Variants in PIWIL3 observed in about 807,000 individuals in gnomAD.
PIWIL3 encodes the protein piwi-like protein 3.
PIWIL3 carries 101 observed loss-of-function variants against 109.7 expected under a neutral mutation model. That is an observed-to-expected ratio of 0.92 (90% CI 0.78 to 1.09). The LOEUF is 1.09. Among genes scored for constraint, PIWIL3 ranks in the 50% least tolerant of loss-of-function variants. PIWIL3 has a pLI of 0.00. For synonymous variants in PIWIL3, 373 were observed against 376.4 expected (o/e 0.99, Z 0.10); for missense variants, 1,031 against 1,072.6 (o/e 0.96, Z 0.54).
chr22:24,723,079 A>G, intron 19 of PIWIL3, 51 bp downstream of exon 19: 1 of 1,573,164 alleles, frequency 6.4e-7, no homozygotes, highest in South Asian at 1.1e-5. Context: ...GCTGAACTGA[A>G]GGAAATTGAG....
In PIWIL3 at chr22:24,764,625, CGTGTGTGTGTGTGTGTGTGT is replaced by C. The variant is rs140531011; in HGVS notation, c.-22-2124_-22-2105del. On this transcript the variant is annotated intron_variant, in intron 1 of 20. Transcript: ENST00000616349. ...TTTCTGTCATTCTTTTTGACCTTGC[CGTGTGTGTGTGTGTGTGTGT>C]GTGTGTGTGTGTGTGTGTGTGTGTT... Among the ~76,000 whole-genome samples the C allele has an allele frequency of 6.1e-3, 828 of 134,692 alleles. 5 individuals carry two copies. Among genetic ancestry groups the C allele is most frequent in the Admixed American group, 9.3e-3 (122 of 13,052 alleles). 88.4% of individuals were successfully genotyped at this position (134,692 alleles called of 152,430 possible). A position where few individuals can be genotyped will look rare whatever the true frequency, so the allele number is the denominator to read the frequency against.
chr22:24,765,382 G>T (rs951283797), intron 1 of PIWIL3, among the ~76,000 whole-genome samples: 5 of 152,190 alleles, frequency 3.3e-5, no homozygotes, highest in Non-Finnish European at 7.3e-5. Context: ...TTGTCATGGG[G>T]ATCAATCTTC....
At chr22:24,766,449 G>A (rs1925799161) in intron 1 of PIWIL3, among the ~76,000 whole-genome samples, 1 of 152,028 alleles carries the variant, frequency 6.6e-6, no homozygotes, top group Admixed American at 6.6e-5. Flanking sequence ...CTCCCGAGTA[G>A]CTGGAAGTAC....
chr22:24,725,220 TGTGGTGGAG>T (rs370923702), intron 17 of PIWIL3, among the ~76,000 whole-genome samples, 183 bp from the exon 18 acceptor site: 11 of 152,316 alleles, frequency 7.2e-5, no homozygotes, highest in South Asian at 4.2e-4. Flanking sequence ...CCAGAGAATC[TGTGGTGGAG>T]GTGGTGGAGG....
chr22:24,724,707 G>A (rs1288135994), intron 18 of PIWIL3, among the ~76,000 whole-genome samples, 180 bp downstream of exon 18: 1 of 151,970 alleles, frequency 6.6e-6, no homozygotes, highest in East Asian at 1.9e-4. Context: ...AAAGTGCTGG[G>A]ATTACAAGCA....
chr22:24,740,262 C>G (rs1027780136), intron 12 of PIWIL3, among the ~76,000 whole-genome samples: 2 of 135,436 alleles, frequency 1.5e-5, no homozygotes. Flanking sequence ...AGAAATGAAA[C>G]GGGAGGCTGG....
chr22:24,747,989 T>C (rs930041221), intron 12 of PIWIL3, among the ~76,000 whole-genome samples: 2 of 152,220 alleles, frequency 1.3e-5, no homozygotes, highest in Non-Finnish European at 2.9e-5. Context: ...CTTCCATGTT[T>C]ATTGCAGCAC....
Position 24,750,482 on chromosome 22 carries a change from A to ATTTTTTTTTTTTTTTTTTTTTTTT in PIWIL3, c.1090-664_1090-663insAAAAAAAAAAAAAAAAAAAAAAAA, listed in dbSNP as rs1241174453. Among the ~76,000 whole-genome samples the ATTTTTTTTTTTTTTTTTTTTTTTT allele has an allele frequency of 3.5e-5, 4 of 114,296 alleles. 1 individual carries two copies. Among genetic ancestry groups the ATTTTTTTTTTTTTTTTTTTTTTTT allele is most frequent in the African/African-American group, 1.3e-4 (4 of 29,914 alleles). The allele number at this position is 114,296 out of a possible 152,430, so 75.0% of individuals were successfully genotyped here. ...CTTATCTGAAGTCTTACCACATTTG[A>ATTTTTTTTTTTTTTTTTTTTTTTT]TTTTTTTTCTTTTTTTTTTTTTTGA... On this transcript the variant is annotated intron_variant, in intron 9 of 20. Coordinates refer to ENST00000616349, the MANE Select transcript of PIWIL3 (RefSeq NM_001255975.1).
chr22:24,751,531 C>A, intron 8 of PIWIL3, 33 bp from the exon 9 acceptor site: 1 of 1,598,138 alleles, frequency 6.3e-7, no homozygotes, highest in Admixed American at 1.8e-5. Context: ...TATTATTTGA[C>A]TTATTCATCA....
chr22:24,747,524 G>A (rs189312485), intron 12 of PIWIL3, among the ~76,000 whole-genome samples: 7 of 152,218 alleles, frequency 4.6e-5, no homozygotes, highest in African/African-American at 1.7e-4. Flanking sequence ...CTCACAGAAT[G>A]GGAGAAAATA....
chr22:24,749,046 T>C lies in PIWIL3; in HGVS notation c.1335-25A>G, dbSNP rs760712983. 3.9e-6 allele frequency: 6 copies of C among 1,549,046 alleles called. No homozygotes were observed. The Admixed American group carries it at 1.0e-4, about 27-fold the overall frequency. ...ACTGAAAATTAAAATATTGCCAACA[T>C]GATCAAACCAAATAAGTAAAAGCAG... is the stretch of plus-strand genomic sequence containing the variant. On this transcript the variant is annotated intron_variant, in intron 11 of 20. Coordinates refer to ENST00000616349, the MANE Select transcript of PIWIL3 (RefSeq NM_001255975.1).
chr22:24,759,959 G>T lies in PIWIL3; in HGVS notation c.133C>A (p.Pro45Thr). Residue 45 changes from proline to threonine, a missense_variant, in exon 3 of 21, where the codon CCC (proline) becomes ACC (threonine). Transcript: ENST00000616349. Reference protein sequence around the residue: ...TQEPPQLQSTPRPLQEEVPVV... With the variant: ...TQEPPQLQSTTRPLQEEVPVV... Reference sequence around the variant, plus strand: ...GGGACTTCCTCCTGCAGCGGCCGGGGTGTCGACTGCAACTGAGGGGGCTCC... The same window carrying T: ...GGGACTTCCTCCTGCAGCGGCCGGGTTGTCGACTGCAACTGAGGGGGCTCC... 1.2e-6 allele frequency: 2 copies of T among 1,614,134 alleles called. No individual in the cohort carries two copies. The highest frequency in any genetic ancestry group is 1.3e-5 in the African/African-American group (1 of 75,040).
chr22:24,761,894 C>T lies in PIWIL3; in HGVS notation c.102+504G>A, dbSNP rs551631726. 4.8e-5 allele frequency: 44 copies of T among 915,530 alleles called. No individual in the cohort carries two copies. In the South Asian group the frequency reaches 1.9e-3, roughly 39 times the overall value. The allele number at this position is 915,530 out of a possible 1,614,324, so 56.7% of individuals were successfully genotyped here. On this transcript the variant is annotated intron_variant, in intron 2 of 20. Coordinates refer to ENST00000616349, the MANE Select transcript of PIWIL3 (RefSeq NM_001255975.1). Reference sequence around the variant, plus strand: ...ATAAGTGGACCTGGAAGGCATCGTGCTACTTCCATGCAGTATATGGTCCCC... The same window carrying T: ...ATAAGTGGACCTGGAAGGCATCGTGTTACTTCCATGCAGTATATGGTCCCC...
At chr22:24,724,313 C>A (rs1003261468) in intron 18 of PIWIL3, among the ~76,000 whole-genome samples, 2 of 151,778 alleles carry the variant, frequency 1.3e-5, no homozygotes, top group Non-Finnish European at 2.9e-5. Flanking sequence ...TTTTTTGAGA[C>A]AAGGTCTCAC....
chr22:24,748,163 G>A (rs1924482457), intron 12 of PIWIL3, among the ~76,000 whole-genome samples: 1 of 152,186 alleles, frequency 6.6e-6, no homozygotes, highest in Non-Finnish European at 1.5e-5. Context: ...TGTGTTAAAT[G>A]AAATTAGCCA....
chr22:24,721,579 G>A (rs920169522), intron 19 of PIWIL3, among the ~76,000 whole-genome samples: 1 of 151,954 alleles, frequency 6.6e-6, no homozygotes, highest in African/African-American at 2.4e-5. Flanking sequence ...GCTCCCCACT[G>A]CATTATGGGA....
chr22:24,731,763 G>T (rs1057117346), intron 14 of PIWIL3, among the ~76,000 whole-genome samples: 40 of 151,896 alleles, frequency 2.6e-4, no homozygotes, highest in African/African-American at 9.4e-4. Context: ...ATTTTGAGTT[G>T]GTCTGGAGAT....
chr22:24,724,544 C>T (rs532477870), intron 18 of PIWIL3, among the ~76,000 whole-genome samples: 5 of 151,928 alleles, frequency 3.3e-5, no homozygotes, highest in Non-Finnish European at 7.4e-5. Context: ...AAGTGATTCT[C>T]CTGCCTCAGC....
chr22:24,762,274 T>C (rs1350480796), intron 2 of PIWIL3, 124 bp downstream of exon 2: 4 of 1,408,004 alleles, frequency 2.8e-6, no homozygotes, highest in Non-Finnish European at 3.7e-6. Context: ...ACTTTTCTTA[T>C]GAACTTTTAT....
Sources: gnomAD v4.1 joint callset for allele counts (sites outside exome capture counted in the v4.1 genomes callset) on GRCh38, gnomAD v4.1.1 for gene constraint, MANE v1.5 for transcripts, NCBI Gene and HGNC (gene_info 2026-07-23, HGNC 2026-07-21) for gene names.